ZNF626: variants seen among roughly 807,000 people sequenced by gnomAD.
The protein encoded by ZNF626 is CTC-513N18.7.
A neutral mutation model predicts 11.7 loss-of-function variants in ZNF626; 4 were observed. That is an observed-to-expected ratio of 0.34 (90% CI 0.17 to 0.78). The LOEUF (loss-of-function observed/expected upper bound fraction) is 0.78. Ranked by LOEUF, ZNF626 falls within the 30% of genes least tolerant of loss-of-function variation. The probability of loss-of-function intolerance (pLI) is 0.57; values close to 1 mark genes in which losing one functional copy is unlikely to be tolerated. For missense variants in ZNF626, 588 were observed against 587.1 expected (o/e 1.00, Z -0.01); for synonymous variants, 179 against 198.6 (o/e 0.90, Z 0.83).
At chr19:20,650,908 G>T (rs565827023) in intron 1 of ZNF626, among the ~76,000 whole-genome samples, 3 of 152,132 alleles carry the variant, frequency 2.0e-5, no homozygotes, top group Non-Finnish European at 4.4e-5. Flanking sequence ...TAGAAATACG[G>T]CTGGGCCTGG....
chr19:20,660,336 C>CTG (rs60639061), intron 1 of ZNF626, among the ~76,000 whole-genome samples: 1 of 151,224 alleles, frequency 6.6e-6, no homozygotes, highest in Non-Finnish European at 1.5e-5. Flanking sequence ...ATGTCCACAT[C>CTG]AGTTATTCAC....
intron 3 of ZNF626, among the ~76,000 whole-genome samples, chr19:20,642,318 G>C (rs1236642097): frequency 6.6e-6 from 1 of 152,196 alleles, no homozygotes; most frequent in African/African-American, 2.4e-5. Flanking sequence ...CCTACACTGA[G>C]ACCAGGCGCA....
intron 1 of ZNF626, among the ~76,000 whole-genome samples, chr19:20,649,213 T>TACC (rs1555772278): frequency 1.3e-5 from 2 of 152,158 alleles, no homozygotes; most frequent in African/African-American, 4.8e-5. Flanking sequence ...AAGGTGTCAG[T>TACC]ACCACATGTT....
intron 1 of ZNF626, among the ~76,000 whole-genome samples, chr19:20,649,365 G>A (rs1156347663): frequency 1.3e-5 from 2 of 152,166 alleles, no homozygotes; most frequent in Non-Finnish European, 2.9e-5. Context: ...GCTGTCCTCA[G>A]ATGCTCTCCC....
intron 3 of ZNF626, among the ~76,000 whole-genome samples, chr19:20,642,152 AAC>A (rs2144780656): frequency 6.6e-6 from 1 of 152,342 alleles, no homozygotes; most frequent in South Asian, 2.1e-4. Flanking sequence ...TTTATAGATA[AAC>A]ACACACATAC....
In ZNF626 at chr19:20,652,046, A is replaced by T. The variant is rs966228489; in HGVS notation, c.4-5641T>A. The stretch of plus-strand genomic sequence containing the variant: ...AAATCTCACAGAACCACACTCCCAA[A>T]TGGGAGCTGTAAGCTGTCTAGGTTG... On this transcript the variant is annotated intron_variant, in intron 1 of 3. Transcript: ENST00000601440. 5.9e-5 allele frequency among the ~76,000 whole-genome samples: 9 copies of T among 152,298 alleles called. No homozygotes were observed. In the East Asian group the frequency reaches 1.7e-3, roughly 29 times the overall value.
intron 3 of ZNF626, among the ~76,000 whole-genome samples, chr19:20,630,370 G>T (rs1555770232): frequency 6.6e-6 from 1 of 152,052 alleles, no homozygotes; most frequent in Admixed American, 6.6e-5. Flanking sequence ...GCTCCTCTTT[G>T]TACCTCTGGT....
intron 1 of ZNF626, among the ~76,000 whole-genome samples, chr19:20,656,364 T>A: frequency 6.6e-6 from 1 of 151,892 alleles, no homozygotes; most frequent in East Asian, 1.9e-4. Flanking sequence ...AATAACATTC[T>A]AGATATAGAC....
chr19:20,626,699 G>C (rs892210360), intron 3 of ZNF626, among the ~76,000 whole-genome samples: 3 of 152,108 alleles, frequency 2.0e-5, no homozygotes, highest in Non-Finnish European at 4.4e-5. Context: ...CTTCAGACTG[G>C]ATGACAGAGC....
chr19:20,629,593 A>G (rs1192110471), intron 3 of ZNF626, among the ~76,000 whole-genome samples: 7 of 152,010 alleles, frequency 4.6e-5, no homozygotes, highest in Admixed American at 2.6e-4. Flanking sequence ...TGTTATTGGT[A>G]TATAAGAATG....
intron 1 of ZNF626, among the ~76,000 whole-genome samples, chr19:20,661,011 G>C (rs1970261161): frequency 6.6e-6 from 1 of 152,168 alleles, no homozygotes; most frequent in Non-Finnish European, 1.5e-5. Flanking sequence ...CCAAAACGTT[G>C]GGATTACAGG....
intron 3 of ZNF626, among the ~76,000 whole-genome samples, chr19:20,637,018 C>CAAA (rs74172354): frequency 0.14 from 8,305 of 58,604 alleles, 999 homozygotes; most frequent in East Asian, 0.39. Flanking sequence ...GACTCCATCT[C>CAAA]AAAAAAAAAA....
intron 1 of ZNF626, among the ~76,000 whole-genome samples, chr19:20,660,711 G>C (rs1387662286): frequency 6.6e-6 from 1 of 151,970 alleles, no homozygotes; most frequent in Non-Finnish European, 1.5e-5. Flanking sequence ...TTGAGCCACC[G>C]CGCCCAGCAA....
In ZNF626 at chr19:20,630,611, G is replaced by A. The variant is rs539108561; in HGVS notation, c.227-4961C>T. 2.0e-3 allele frequency among the ~76,000 whole-genome samples: 308 copies of A among 151,318 alleles called. 2 individuals are homozygous for A. Among genetic ancestry groups the A allele is most frequent in the Middle Eastern group, 6.8e-3 (2 of 294 alleles). Reference sequence around the variant, plus strand: ...TCTGATGGTAGTTTGTATTTCTGTGGGATCGGTGGTGATATCCCCTTTATC... The same window carrying A: ...TCTGATGGTAGTTTGTATTTCTGTGAGATCGGTGGTGATATCCCCTTTATC... On this transcript the variant is annotated intron_variant, in intron 3 of 3. Transcript: ENST00000601440.
chr19:20,628,178 G>A (rs1335161121), intron 3 of ZNF626, among the ~76,000 whole-genome samples: 5 of 151,508 alleles, frequency 3.3e-5, no homozygotes, highest in Non-Finnish European at 5.9e-5. Flanking sequence ...CCAGTCTATC[G>A]TTGTTGGACA....
At position 20,620,843 on chromosome 19, in the gene ZNF626, TTTC is replaced by T. The variant is rs1969749247; in HGVS notation, c.*3444_*3446del. ...TGAGGCACTGCACATGGCCGTATTTTTTCTTTTTTTTTTTGTGACGGAGTCTTG... is the reference window on the plus strand; with the variant it reads ...TGAGGCACTGCACATGGCCGTATTTTTTTTTTTTTTTGTGACGGAGTCTTG... On this transcript the variant is annotated 3_prime_UTR_variant, in exon 4 of 4. Transcript: ENST00000601440. The T allele has an allele frequency of 1.1e-4, 6 of 55,424 alleles. No individual in the cohort carries two copies. The highest frequency in any genetic ancestry group is 2.8e-4 in the Non-Finnish European group (5 of 17,832). 3.4% of individuals were successfully genotyped at this position (55,424 alleles called of 1,614,324 possible).
chr19:20,652,276 C>T (rs1970154819), intron 1 of ZNF626, among the ~76,000 whole-genome samples: 1 of 140,924 alleles, frequency 7.1e-6, no homozygotes, highest in African/African-American at 2.8e-5. Context: ...TGCTCTAGCA[C>T]ATTCTAAATG....
chr19:20,653,627 C>G (rs1429475474), intron 1 of ZNF626, among the ~76,000 whole-genome samples: 6 of 142,754 alleles, frequency 4.2e-5, no homozygotes, highest in Non-Finnish European at 7.5e-5. Flanking sequence ...AGACTCTGTC[C>G]CCTGCCCTCC....
In ZNF626 at chr19:20,625,740, C is replaced by G. The variant is rs1969823022; in HGVS notation, c.227-90G>C. 7 of 1,312,700 alleles carry G rather than the reference C, an allele frequency of 5.3e-6. No homozygotes were observed. The South Asian group carries it at 1.2e-4, about 22-fold the overall frequency. 81.3% of individuals were successfully genotyped at this position (1,312,700 alleles called of 1,614,324 possible). A position where few individuals can be genotyped will look rare whatever the true frequency, so the allele number is the denominator to read the frequency against. On this transcript the variant is annotated intron_variant, in intron 3 of 3. Transcript: ENST00000601440. ...TGCAGTTTGTATAGTTTTATACAAA[C>G]TACATAAGCAAGATGACACAGGAAA...
Sources: gnomAD v4.1 joint callset for allele counts (sites outside exome capture counted in the v4.1 genomes callset) on GRCh38, gnomAD v4.1.1 for gene constraint, MANE v1.5 for transcripts, NCBI Gene and HGNC (gene_info 2026-07-23, HGNC 2026-07-21) for gene names.